The following PLCL1 variants were observed in gnomAD, a reference collection of about 807,000 sequenced individuals.
PLCL1 encodes phospholipase C like 1 (inactive).
PLCL1 carries 41 observed loss-of-function variants against 84.4 expected under a neutral mutation model. That is an observed-to-expected ratio of 0.49 (90% CI 0.38 to 0.63). The LOEUF is 0.63. PLCL1 is among the 30% of genes least tolerant of loss of function. The probability of loss-of-function intolerance (pLI) is 0.00; values close to 1 mark genes in which losing one functional copy is unlikely to be tolerated. For missense variants in PLCL1, 1,206 were observed against 1,367.8 expected, an observed-to-expected ratio of 0.88 and a Z score of 1.87; for synonymous variants, 490 against 488.3, an observed-to-expected ratio of 1.00 and a Z score of -0.05.
intron 1 of PLCL1, among the ~76,000 whole-genome samples, chr2:197,899,615 C>A (rs1269754427): frequency 1.3e-5 from 2 of 150,866 alleles, no homozygotes; most frequent in African/African-American, 2.4e-5. Context: ...TGCCTCAGGG[C>A]CTTGGCACAT....
At chr2:197,925,607 T>C (rs1287882044) in intron 1 of PLCL1, among the ~76,000 whole-genome samples, 1 of 152,220 alleles carries the variant, frequency 6.6e-6, no homozygotes, top group Non-Finnish European at 1.5e-5. Flanking sequence ...TCTTCTCAAG[T>C]GTGTATCTTA....
intron 1 of PLCL1, among the ~76,000 whole-genome samples, chr2:197,855,549 C>A (rs1384596440): frequency 2.0e-5 from 3 of 152,114 alleles, no homozygotes; most frequent in Admixed American, 6.6e-5. Context: ...TGGTCCTGGG[C>A]TCCTGCTTGG....
chr2:197,984,406 A>G (rs1443363827), intron 1 of PLCL1, among the ~76,000 whole-genome samples: 9 of 151,932 alleles, frequency 5.9e-5, no homozygotes. Flanking sequence ...AATCTTCAAT[A>G]GTGACTGGCT....
chr2:197,967,128 A>C (rs1689759629), intron 1 of PLCL1, among the ~76,000 whole-genome samples: 2 of 152,104 alleles, frequency 1.3e-5, no homozygotes, highest in Admixed American at 6.5e-5. Flanking sequence ...CCCAGTGAGA[A>C]CTTGCTCCTG....
At chr2:198,106,621 G>T (rs1482460249) in intron 5 of PLCL1, among the ~76,000 whole-genome samples, 2 of 151,882 alleles carry the variant, frequency 1.3e-5, no homozygotes, top group Non-Finnish European at 2.9e-5. Context: ...AGGTGCTAGG[G>T]ATACAAATAT....
chr2:197,806,470 G>A (rs1306979923), intron 1 of PLCL1, among the ~76,000 whole-genome samples: 2 of 152,198 alleles, frequency 1.3e-5, no homozygotes, highest in Admixed American at 1.3e-4. Context: ...ACCACAGAAT[G>A]TGGCTCCAGT....
intron 1 of PLCL1, among the ~76,000 whole-genome samples, chr2:197,997,695 G>T (rs561411590): frequency 2.0e-5 from 3 of 152,130 alleles, no homozygotes; most frequent in Non-Finnish European, 2.9e-5. Context: ...ATGCATTATA[G>T]GTCTGAAGAA....
intron 1 of PLCL1, among the ~76,000 whole-genome samples, chr2:198,016,447 G>A (rs1443892953): frequency 1.3e-5 from 2 of 152,110 alleles, no homozygotes; most frequent in African/African-American, 4.8e-5. Flanking sequence ...TTTATAAACT[G>A]CAGTGCTCTA....
At chr2:198,077,005 TG>T (rs1280691643) in intron 1 of PLCL1, among the ~76,000 whole-genome samples, 9 of 152,334 alleles carry the variant, frequency 5.9e-5, no homozygotes, top group Non-Finnish European at 1.2e-4. Flanking sequence ...TTCCATTCTG[TG>T]ATCACAATCC....
intron 1 of PLCL1, among the ~76,000 whole-genome samples, chr2:198,068,256 C>T (rs1185621549): frequency 2.0e-5 from 3 of 152,056 alleles, no homozygotes. Flanking sequence ...TGTCACTATA[C>T]CAGTTCTACA....
At chr2:197,836,247 C>T (rs977447347) in intron 1 of PLCL1, among the ~76,000 whole-genome samples, 1 of 151,762 alleles carries the variant, frequency 6.6e-6, no homozygotes, top group South Asian at 2.1e-4. Context: ...AGATCCAGAC[C>T]ATCCCGGCTA....
chr2:197,964,010 T>C (rs1689675406), intron 1 of PLCL1, among the ~76,000 whole-genome samples: 1 of 152,306 alleles, frequency 6.6e-6, no homozygotes, highest in Middle Eastern at 3.4e-3. Context: ...TGTAGCTTTG[T>C]AGTATAACTT....
intron 5 of PLCL1, among the ~76,000 whole-genome samples, chr2:198,115,420 A>G (rs1574323297): frequency 1.3e-5 from 2 of 151,908 alleles, no homozygotes. Flanking sequence ...GCCAAGTCCT[A>G]TGGGGAAGAG....
intron 1 of PLCL1, among the ~76,000 whole-genome samples, chr2:197,914,865 G>A (rs747221291): frequency 2.7e-4 from 41 of 152,150 alleles, no homozygotes; most frequent in Non-Finnish European, 4.9e-4. Context: ...ATGGAAGGGC[G>A]CACCATTTAT....
At chr2:198,113,618 A>G (rs971978900) in intron 5 of PLCL1, among the ~76,000 whole-genome samples, 11 of 151,930 alleles carry the variant, frequency 7.2e-5, no homozygotes, top group African/African-American at 2.4e-4. Context: ...TAAATATTCC[A>G]GCCTTTCATG....
intron 1 of PLCL1, among the ~76,000 whole-genome samples, chr2:197,996,109 C>T (rs1051035860): frequency 6.6e-5 from 10 of 151,294 alleles, no homozygotes; most frequent in South Asian, 2.1e-4. Context: ...TTCAAGGTGA[C>T]GGGCAAGAGG....
At chr2:198,089,158 G>T in intron 3 of PLCL1, 97 bp downstream of exon 3, 1 of 853,800 alleles carries the variant, frequency 1.2e-6, no homozygotes, top group South Asian at 1.4e-5. Context: ...ATAACACAGG[G>T]TGACTACCTT....
chr2:198,145,596 C>CA (rs2105949558), intron 5 of PLCL1, among the ~76,000 whole-genome samples: 1 of 152,314 alleles, frequency 6.6e-6, no homozygotes, highest in African/African-American at 2.4e-5. Context: ...TTCGCTTTAA[C>CA]ACAAACATCA....
At chr2:197,958,917 T>TG (rs148118975) in intron 1 of PLCL1, among the ~76,000 whole-genome samples, 74,557 of 151,566 alleles carry the variant, frequency 0.49, 18,827 homozygotes, top group African/African-American at 0.58. Context: ...CACTAATCTG[T>TG]ATTGCCTCTT....
Sources: allele counts gnomAD v4.1 joint callset (sites outside exome capture counted in the v4.1 genomes callset), GRCh38; gene constraint gnomAD v4.1.1; transcripts MANE v1.5; gene names NCBI Gene and HGNC (gene_info 2026-07-23, HGNC 2026-07-21).